The following KDM4D variants were observed in gnomAD, a reference collection of about 807,000 sequenced individuals.
KDM4D encodes lysine-specific demethylase 4D.
For missense variants in KDM4D, 427 were observed against 674.8 expected (o/e 0.63, Z 4.07); for synonymous variants, 254 against 249.1 (o/e 1.02, Z -0.19).
In KDM4D at chr11:94,997,280, T is replaced by A. The variant is rs587674077; in HGVS notation, c.-93T>A. ...CTGGTAGATCCTGCTACCTCATAGA[T>A]AACACCAGTCAAATTTTTTTTTAAA... On this transcript the variant is annotated 5_prime_UTR_variant, in exon 3 of 3. Transcript: ENST00000335080. 1.2e-4 allele frequency: 114 copies of A among 972,182 alleles called. No homozygotes were observed. Among genetic ancestry groups the A allele is most frequent in the Non-Finnish European group, 1.8e-5 (12 of 671,338 alleles). The allele number at this position is 972,182 out of a possible 1,614,324, so 60.2% of individuals were successfully genotyped here.
chr11:94,977,547 G>T (rs1206785159), intron 2 of KDM4D, among the ~76,000 whole-genome samples: 6 of 152,054 alleles, frequency 3.9e-5, no homozygotes, highest in African/African-American at 1.4e-4. Context: ...TGTTCAAATG[G>T]AGTCCAACGA....
chr11:94,999,046 A>G lies in KDM4D; in HGVS notation c.*102A>G, dbSNP rs2134117959. 8.4e-7 allele frequency: 1 copy of G among 1,184,064 alleles called. No homozygotes were observed. Among genetic ancestry groups the G allele is most frequent in the East Asian group, 2.7e-5 (1 of 37,248 alleles). 73.3% of individuals were successfully genotyped at this position (1,184,064 alleles called of 1,614,324 possible). A position where few individuals can be genotyped will look rare whatever the true frequency, so the allele number is the denominator to read the frequency against. ...ACTTTGGTTGAGTTTGCAGGACTCTAGGCATGCATGAAAGAGCCCCCCTGG... is the reference window on the plus strand; with the variant it reads ...ACTTTGGTTGAGTTTGCAGGACTCTGGGCATGCATGAAAGAGCCCCCCTGG... On this transcript the variant is annotated 3_prime_UTR_variant, in exon 3 of 3. Coordinates refer to ENST00000335080, the MANE Select transcript of KDM4D (RefSeq NM_018039.3).
rs587622612 is a variant in KDM4D at position 94,990,329 on chromosome 11, A to T, written c.-349-6695A>T. 2.0e-5 allele frequency among the ~76,000 whole-genome samples: 3 copies of T among 152,356 alleles called. No homozygotes were observed. In the East Asian group the frequency reaches 5.8e-4, roughly 29 times the overall value. ...TCTCACCAAGGTCTGAGGTTGGTAT[A>T]GAAGGAACCCTGATGTAGGAGAGCC... is the stretch of plus-strand genomic sequence containing the variant. On this transcript the variant is annotated intron_variant, in intron 2 of 2. Transcript: ENST00000335080.
At chr11:94,980,610 T>G (rs1857835144) in intron 2 of KDM4D, among the ~76,000 whole-genome samples, 1 of 152,200 alleles carries the variant, frequency 6.6e-6, no homozygotes, top group Non-Finnish European at 1.5e-5. Context: ...CTAAGTACAT[T>G]CATATTGTTG....
chr11:94,991,346 A>C (rs1555098655), intron 2 of KDM4D, among the ~76,000 whole-genome samples: 1 of 152,160 alleles, frequency 6.6e-6, no homozygotes, highest in African/African-American at 2.4e-5. Context: ...TTAAATATGA[A>C]AGAGACCAAA....
chr11:94,978,176 C>G (rs1292198065), intron 2 of KDM4D, among the ~76,000 whole-genome samples: 1 of 152,146 alleles, frequency 6.6e-6, no homozygotes, highest in Non-Finnish European at 1.5e-5. Flanking sequence ...ATCCAACTCT[C>G]TCCATCTCTT....
intron 2 of KDM4D, among the ~76,000 whole-genome samples, chr11:94,991,985 C>T (rs1857938827): frequency 6.6e-6 from 1 of 151,914 alleles, no homozygotes; most frequent in Non-Finnish European, 1.5e-5. Context: ...CCTCTTCATA[C>T]TCATGCTCAC....
At chr11:94,988,229 C>T (rs1857904569) in intron 2 of KDM4D, among the ~76,000 whole-genome samples, 1 of 152,174 alleles carries the variant, frequency 6.6e-6, no homozygotes, top group Non-Finnish European at 1.5e-5. Flanking sequence ...AGGTAGAATT[C>T]AGCAGAACAA....
At position 94,997,250 on chromosome 11, in the gene KDM4D, G is replaced by T; in HGVS notation, c.-123G>T. 3 of 571,228 alleles carry T rather than the reference G, an allele frequency of 5.3e-6. No individual in the cohort carries two copies. The highest frequency in any genetic ancestry group is 8.4e-6 in the Non-Finnish European group (3 of 355,862). The allele number at this position is 571,228 out of a possible 1,614,324, so 35.4% of individuals were successfully genotyped here. On this transcript the variant is annotated 5_prime_UTR_variant, in exon 3 of 3. Coordinates refer to ENST00000335080, the MANE Select transcript of KDM4D (RefSeq NM_018039.3). ...TATCATCTCATTTGCAAAAAAAAAA[G>T]TACGCTGGTAGATCCTGCTACCTCA...
chr11:94,977,181 A>C (rs587617345), intron 2 of KDM4D, among the ~76,000 whole-genome samples: 1 of 152,368 alleles, frequency 6.6e-6, no homozygotes, highest in African/African-American at 2.4e-5. Context: ...TCTAATGAGG[A>C]AAATGAAAGT....
At chr11:94,993,975 C>A (rs1325211605) in intron 2 of KDM4D, among the ~76,000 whole-genome samples, 3 of 152,050 alleles carry the variant, frequency 2.0e-5, no homozygotes, top group Non-Finnish European at 2.9e-5. Flanking sequence ...GATTGGGAGA[C>A]TATCATATGA....
At chr11:94,986,873 T>C (rs1473506962) in intron 2 of KDM4D, among the ~76,000 whole-genome samples, 1 of 152,200 alleles carries the variant, frequency 6.6e-6, no homozygotes. Flanking sequence ...TGAATGTTCA[T>C]AACAGTATTA....
At position 94,998,637 on chromosome 11, in the gene KDM4D, C is replaced by CTGT. The variant is rs1857998318; in HGVS notation, c.1266_1268dup (p.Val423dup). On this transcript the variant is annotated inframe_insertion, in exon 3 of 3. Transcript: ENST00000335080. This position sits in a 1 kb window ranked among gnomAD's most constrained non-coding sequence, Gnocchi z 6.7. ...ACTGCTACGCAGCCCCGGGCTGCTG[C>CTGT]TGTCCACAGCTCTAAGAAGCCCAGC... The CTGT allele has an allele frequency of 6.2e-7, 1 of 1,614,204 alleles. No individual in the cohort carries two copies.
chr11:94,974,815 C>T (rs1359079097), intron 1 of KDM4D, among the ~76,000 whole-genome samples: 1 of 152,206 alleles, frequency 6.6e-6, no homozygotes, highest in African/African-American at 2.4e-5. Context: ...TTGCCAACAC[C>T]ATCTCCTACC....
Position 94,997,321 on chromosome 11 carries a change from A to T in KDM4D, c.-52A>T. The T allele has an allele frequency of 7.1e-7, 1 of 1,407,296 alleles. No individual in the cohort carries two copies. Among genetic ancestry groups the T allele is most frequent in the Non-Finnish European group, 9.4e-7 (1 of 1,058,608 alleles). 87.2% of individuals were successfully genotyped at this position (1,407,296 alleles called of 1,614,324 possible). A position where few individuals can be genotyped will look rare whatever the true frequency, so the allele number is the denominator to read the frequency against. ...TTTTTTTAAAGTAGCATTTTCCTAC[A>T]TTGTCAACTATCTAGAACATACCTA... On this transcript the variant is annotated 5_prime_UTR_variant, in exon 3 of 3. Transcript: ENST00000335080.
Position 94,977,386 on chromosome 11 carries a change from T to A in KDM4D, c.-350+1638T>A, listed in dbSNP as rs587608666. ...GTTTTCTATGGTCTACCCTTTCCCC[T>A]ACCTCTTTGACCTCATCACTTGCTC... is the stretch of plus-strand genomic sequence containing the variant. On this transcript the variant is annotated intron_variant, in intron 2 of 2. Coordinates refer to ENST00000335080, the MANE Select transcript of KDM4D (RefSeq NM_018039.3). Among the ~76,000 whole-genome samples the A allele has an allele frequency of 7.9e-5, 12 of 152,286 alleles. No individual in the cohort carries two copies. In the East Asian group the frequency reaches 2.3e-3, roughly 29 times the overall value.
chr11:94,975,959 C>G (rs1857794210), intron 2 of KDM4D, among the ~76,000 whole-genome samples: 1 of 152,126 alleles, frequency 6.6e-6, no homozygotes, highest in South Asian at 2.1e-4. Context: ...TAAATAGCCA[C>G]CCTATAATTT....
chr11:94,984,883 A>G (rs1555097959), intron 2 of KDM4D, among the ~76,000 whole-genome samples: 3 of 151,938 alleles, frequency 2.0e-5, no homozygotes, highest in African/African-American at 7.3e-5. Flanking sequence ...AAAATAGCAG[A>G]TACACAAAAC....
intron 2 of KDM4D, among the ~76,000 whole-genome samples, chr11:94,980,995 G>A (rs1314488578): frequency 1.3e-5 from 2 of 152,026 alleles, no homozygotes; most frequent in Non-Finnish European, 2.9e-5. Context: ...TTCCTGATCT[G>A]CAAGGGAAAA....
Sources: gnomAD v4.1 joint callset for allele counts (sites outside exome capture counted in the v4.1 genomes callset) on GRCh38, gnomAD v4.1.1 for gene constraint, Gnocchi (gnomAD v3.1) non-coding constraint, MANE v1.5 for transcripts, NCBI Gene and HGNC (gene_info 2026-07-23, HGNC 2026-07-21) for gene names.